EDRF1: variants seen among roughly 807,000 people sequenced by gnomAD.
EDRF1 encodes erythroid differentiation regulatory factor 1, also known as erythroid differentiation-related factor 1.
Under a neutral mutation model 148.7 loss-of-function variants are expected in EDRF1, and 69 were observed. The ratio of observed to expected loss-of-function variants is 0.46; its 90% confidence interval spans 0.38 to 0.57. The LOEUF (loss-of-function observed/expected upper bound fraction) is 0.57. Among genes scored for constraint, EDRF1 ranks in the 20% least tolerant of loss-of-function variants. The pLI is 0.00. For missense variants in EDRF1, 1,118 were observed against 1,478.7 expected (o/e 0.76, Z 4.00); for synonymous variants, 515 against 532.8 (o/e 0.97, Z 0.46).
At chr10:125,725,545 A>G (rs1848217848) in intron 5 of EDRF1, 103 bp downstream of exon 5, 1 of 1,570,158 alleles carries the variant, frequency 6.4e-7, no homozygotes, top group South Asian at 1.1e-5. Flanking sequence ...CCCCTGTGAT[A>G]CTGTTAACAT....
At chr10:125,731,916 A>C (rs1848494390) in intron 9 of EDRF1, 1 of 453,114 alleles carries the variant, frequency 2.2e-6, no homozygotes, top group Non-Finnish European at 4.5e-6. Flanking sequence ...CTGAGGATCA[A>C]GGAGCTCAAG....
chr10:125,729,559 T>C (rs1163381700), intron 8 of EDRF1, 80 bp downstream of exon 8: 1 of 1,571,284 alleles, frequency 6.4e-7, no homozygotes, highest in African/African-American at 1.4e-5. Flanking sequence ...CAGACTGAGG[T>C]TGCAGTGAGC....
intron 24 of EDRF1, among the ~76,000 whole-genome samples, chr10:125,759,629 TA>T (rs1181461113): frequency 6.6e-6 from 1 of 150,946 alleles, no homozygotes. Flanking sequence ...CCCAACTCTT[TA>T]AAAAAAAGAA....
intron 6 of EDRF1, among the ~76,000 whole-genome samples, chr10:125,728,642 C>T (rs764941922): frequency 2.0e-5 from 3 of 152,098 alleles, no homozygotes; most frequent in Non-Finnish European, 2.9e-5. Context: ...CAAGCACATG[C>T]CATCGTGCCT....
At chr10:125,748,128 CT>C in intron 21 of EDRF1, 116 bp downstream of exon 21, 1 of 1,278,446 alleles carries the variant, frequency 7.8e-7, no homozygotes, top group Non-Finnish European at 1.1e-6. Context: ...AGGTGAACTG[CT>C]GTCCTAAATT....
rs974517798 is a variant in EDRF1 at position 125,719,737 on chromosome 10, C to T, written c.-71C>T. 3.9e-6 allele frequency: 5 copies of T among 1,277,002 alleles called. No homozygotes were observed. Among genetic ancestry groups the T allele is most frequent in the Middle Eastern group, 2.1e-4 (1 of 4,864 alleles). 79.1% of individuals were successfully genotyped at this position (1,277,002 alleles called of 1,614,324 possible). A position where few individuals can be genotyped will look rare whatever the true frequency, so the allele number is the denominator to read the frequency against. On this transcript the variant is annotated 5_prime_UTR_variant, in exon 1 of 25. Transcript: ENST00000356792. ...CCGCGGAGCGTCTCTGGCGCTTACC[C>T]TGCTTTGGGCCTGCGTTGCTGCTGC...
chr10:125,739,017 T>C (rs1490362235), intron 15 of EDRF1, among the ~76,000 whole-genome samples: 1 of 152,166 alleles, frequency 6.6e-6, no homozygotes, highest in Non-Finnish European at 1.5e-5. Flanking sequence ...TCATGAAGAA[T>C]ATATGGACTT....
intron 21 of EDRF1, 151 bp from the exon 22 acceptor site, chr10:125,749,258 AAAG>A: frequency 3.5e-6 from 3 of 865,228 alleles, no homozygotes; most frequent in South Asian, 3.1e-5. Context: ...AAAAAAAAAA[AAAG>A]AAAGGAAATG....
chr10:125,741,199 A>G lies in EDRF1; in HGVS notation c.2369A>G (p.Gln790Arg), dbSNP rs1487935182. ...LHSLHRESSC[Q>R]GFAWATDLST... ...AGCCTTCACAGAGAGTCCAGTTGCC[A>G]AGGTGTGCCACAGGCTTGGACCACG... Residue 790 changes from glutamine (Q) to arginine (R), a missense_variant and splice_region_variant, in exon 17 of 25, where the codon CAA (glutamine) becomes CGA (arginine). Transcript: ENST00000356792. 5 of 1,614,182 alleles carry G rather than the reference A, an allele frequency of 3.1e-6. No individual in the cohort carries two copies. In the South Asian group the frequency reaches 5.5e-5, roughly 18 times the overall value.
At chr10:125,733,974 A>T in intron 11 of EDRF1, 98 bp from the exon 12 acceptor site, 2 of 1,059,898 alleles carry the variant, frequency 1.9e-6, no homozygotes, top group South Asian at 1.3e-5. Flanking sequence ...GTTGTTTCTT[A>T]TAGCTCTTTG....
intron 2 of EDRF1, 151 bp downstream of exon 2, chr10:125,721,563 G>A (rs1848005139): frequency 1.3e-6 from 1 of 772,912 alleles, no homozygotes; most frequent in South Asian, 1.5e-5. Flanking sequence ...TTTTTATTCT[G>A]ATAATAGATG....
At chr10:125,721,149 G>A (rs995651890) in intron 1 of EDRF1, 55 bp from the exon 2 acceptor site, 2 of 1,558,596 alleles carry the variant, frequency 1.3e-6, no homozygotes, top group African/African-American at 2.7e-5. Context: ...TTATAAAGGT[G>A]AGATTTTTCG....
chr10:125,737,815 AT>A, intron 13 of EDRF1, 102 bp from the exon 14 acceptor site: 1 of 1,150,802 alleles, frequency 8.7e-7, no homozygotes, highest in Non-Finnish European at 1.3e-6. Context: ...TTTAAGCAAG[AT>A]TTTTGTTGAT....
intron 16 of EDRF1, 94 bp from the exon 17 acceptor site, chr10:125,740,907 C>T: frequency 3.8e-6 from 5 of 1,313,046 alleles, no homozygotes; most frequent in East Asian, 2.3e-5. Flanking sequence ...TGCTACAAAG[C>T]GTTCAGCTGG....
At position 125,745,692 on chromosome 10, in the gene EDRF1, T is replaced by C. The variant is rs550273521; in HGVS notation, c.2591-15T>C. ...TGTCTGCTTACACAGTTGTTTTCTT[T>C]CTTTCTCTGTAAAGTGAGCAAATCT... On this transcript the variant is annotated splice_polypyrimidine_tract_variant and intron_variant, in intron 18 of 24. Coordinates refer to ENST00000356792, the MANE Select transcript of EDRF1 (RefSeq NM_001202438.2). The C allele has an allele frequency of 3.1e-6, 5 of 1,613,780 alleles. No homozygotes were observed. In the African/African-American group the frequency reaches 5.3e-5, roughly 17 times the overall value.
intron 17 of EDRF1, 108 bp downstream of exon 17, chr10:125,741,309 G>C: frequency 9.7e-7 from 1 of 1,035,588 alleles, no homozygotes; most frequent in Non-Finnish European, 1.5e-6. Flanking sequence ...TTTGATATTT[G>C]CTCTGTATTT....
chr10:125,741,283 G>A (rs761289277), intron 17 of EDRF1, 82 bp downstream of exon 17: 4 of 1,219,840 alleles, frequency 3.3e-6, no homozygotes, highest in Non-Finnish European at 4.8e-6. Flanking sequence ...CAGAAAAGGG[G>A]TAGAAATATT....
chr10:125,721,243 C>A lies in EDRF1; in HGVS notation c.148C>A (p.Arg50=). ...TCTTGGAGGCAATGAAGTGAAGAGCCGAGCTGTGGTGAAATACTCTTCTGC... is the reference window on the plus strand; with the variant it reads ...TCTTGGAGGCAATGAAGTGAAGAGCAGAGCTGTGGTGAAATACTCTTCTGC... ...LFLGGNEVKS[R]AVVKYSSAPP... Residue 50 remains arginine (R), a synonymous_variant, in exon 2 of 25, where the codon CGA becomes AGA. Coordinates refer to ENST00000356792, the MANE Select transcript of EDRF1 (RefSeq NM_001202438.2). The A allele has an allele frequency of 6.2e-7, 1 of 1,614,098 alleles. No homozygotes were observed. Among genetic ancestry groups the A allele is most frequent in the Non-Finnish European group, 8.5e-7 (1 of 1,180,034 alleles).
At position 125,725,306 on chromosome 10, in the gene EDRF1, C is replaced by G. The variant is rs1294336772; in HGVS notation, c.511-12C>G. On this transcript the variant is annotated splice_polypyrimidine_tract_variant and intron_variant, in intron 4 of 24. Coordinates refer to ENST00000356792, the MANE Select transcript of EDRF1 (RefSeq NM_001202438.2). ...TGTGTTGTATTAATAATATGTATCT[C>G]ATGTTATCCAGACTGGTGACTGGAC... 2 of 1,613,706 alleles carry G rather than the reference C, an allele frequency of 1.2e-6. No individual in the cohort carries two copies. Among genetic ancestry groups the G allele is most frequent in the African/African-American group, 2.7e-5 (2 of 74,908 alleles).
Sources: gnomAD v4.1 joint callset for allele counts (sites outside exome capture counted in the v4.1 genomes callset) on GRCh38, gnomAD v4.1.1 for gene constraint, MANE v1.5 for transcripts, NCBI Gene and HGNC (gene_info 2026-07-23, HGNC 2026-07-21) for gene names.